NOTCH3: variants seen among roughly 807,000 people sequenced by gnomAD.
The protein encoded by NOTCH3 is notch receptor 3.
In NOTCH3, 86 loss-of-function variants were observed where a neutral mutation model predicts 213.3. The observed-to-expected ratio is 0.40, with a 90% CI of 0.34 to 0.48. The LOEUF (loss-of-function observed/expected upper bound fraction) is 0.48. Ranked by LOEUF, NOTCH3 falls within the 20% of genes least tolerant of loss-of-function variation. The pLI is 0.57. For synonymous variants in NOTCH3, 1,354 were observed against 1,355.9 expected, an observed-to-expected ratio of 1.00 and a Z score of 0.03; for missense variants, 2,783 against 3,272.6, an observed-to-expected ratio of 0.85 and a Z score of 3.65.
intron 31 of NOTCH3, among the ~76,000 whole-genome samples, chr19:15,163,031 G>A (rs2046658967): frequency 6.6e-6 from 1 of 152,118 alleles, no homozygotes; most frequent in African/African-American, 2.4e-5. Flanking sequence ...AGCCTCCCTA[G>A]TAGCTGGGAC....
chr19:15,161,065 G>A lies in NOTCH3; in HGVS notation c.6563C>T (p.Pro2188Leu). ...PAPPGPSFLL[P>L]LAPGPQLLNP... ...GAGCAGCTGGGGTCCCGGCGCCAGT[G>A]GCAGCAGGAACGAGGGGCCTGGAGG... The change falls in exon 33 of 33, where the codon CCA (proline) becomes CTA (leucine). Residue 2188 changes from proline (P) to leucine (L), a missense_variant. By Grantham distance (98) the Pro-to-Leu change is moderately conservative (BLOSUM62 -3). Around this residue, in one of 6 missense-constraint regions of NOTCH3, gnomAD observed 441 missense variants for 432.1 expected, o/e 1.02. Transcript: ENST00000263388. 1 of 1,542,394 alleles carries A rather than the reference G, an allele frequency of 6.5e-7. No homozygotes were observed. Among genetic ancestry groups the A allele is most frequent in the Non-Finnish European group, 8.7e-7 (1 of 1,148,756 alleles).
Position 15,197,714 on chromosome 19 carries a change from C to CT in NOTCH3, c.119-137_119-136insA. ...GGCGTCTCTGCGGGTGCAGGGAGTC[C>CT]CCCCATCCACAGTTCCCACGCCCCC... On this transcript the variant is annotated intron_variant, in intron 1 of 32. Transcript: ENST00000263388. 3 of 652,508 alleles carry CT rather than the reference C, an allele frequency of 4.6e-6. No individual in the cohort carries two copies. In the South Asian group the frequency reaches 5.7e-5, roughly 12 times the overall value. The allele number at this position is 652,508 out of a possible 1,614,324, so 40.4% of individuals were successfully genotyped here.
intron 32 of NOTCH3, among the ~76,000 whole-genome samples, 195 bp from the exon 33 acceptor site, chr19:15,161,909 G>A (rs745526861): frequency 2.6e-5 from 4 of 151,656 alleles, no homozygotes; most frequent in Non-Finnish European, 4.4e-5. Context: ...CCTACTAAGT[G>A]CCAGAGGTCA....
At chr19:15,180,869 G>T in intron 18 of NOTCH3, 41 bp from the exon 19 acceptor site, 1 of 1,608,646 alleles carries the variant, frequency 6.2e-7, no homozygotes, top group East Asian at 2.2e-5. Context: ...TGGGGTGGGG[G>T]GTAGTCTGGG....
chr19:15,192,554 G>A (rs2046938794), intron 2 of NOTCH3, 35 bp from the exon 3 acceptor site: 3 of 1,556,258 alleles, frequency 1.9e-6, no homozygotes, highest in South Asian at 2.3e-5. Flanking sequence ...GGCAGCACAG[G>A]GCAGGATGGC....
In NOTCH3 at chr19:15,179,772, TAATGAGAGGCTG is replaced by T. The variant is rs1007435201; in HGVS notation, c.3327+288_3328-277del. On this transcript the variant is annotated intron_variant, in intron 20 of 32. Coordinates refer to ENST00000263388, the MANE Select transcript of NOTCH3 (RefSeq NM_000435.3). ...TGGTGGGTGCCTGTACTCCCAGCTA[TAATGAGAGGCTG>T]AAGCAGAAGAATCACCTGAACCCAG... The T allele has an allele frequency of 5.1e-4, 298 of 586,432 alleles. 2 individuals are homozygous for T. Among genetic ancestry groups the T allele is most frequent in the South Asian group, 4.9e-3 (242 of 49,498 alleles). 36.3% of individuals were successfully genotyped at this position (586,432 alleles called of 1,614,324 possible). A position where few individuals can be genotyped will look rare whatever the true frequency, so the allele number is the denominator to read the frequency against.
rs763830200 is a variant in NOTCH3, at chr19:15,189,191, G to A, written c.1193-17C>T. 9.9e-6 allele frequency: 16 copies of A among 1,613,130 alleles called. No individual in the cohort carries two copies. Among genetic ancestry groups the A allele is most frequent in the Admixed American group, 8.3e-5 (5 of 60,010 alleles). On this transcript the variant is annotated splice_polypyrimidine_tract_variant and intron_variant, in intron 7 of 32. Transcript: ENST00000263388. ...GGTTGGCGCCTGCCGGATGGAGTGC[G>A]ATCGGTGTGGGCGTGGCTGGCCGGG...
At chr19:15,162,781 G>C (rs2046656407) in intron 31 of NOTCH3, among the ~76,000 whole-genome samples, 1 of 152,080 alleles carries the variant, frequency 6.6e-6, no homozygotes, top group African/African-American at 2.4e-5. Context: ...GTTTGTGTGT[G>C]TGTGTGTGTG....
At chr19:15,174,426 G>A (rs1298693206) in intron 24 of NOTCH3, 26 bp from the exon 25 acceptor site, 11 of 1,490,096 alleles carry the variant, frequency 7.4e-6, no homozygotes, top group African/African-American at 1.4e-5. Flanking sequence ...GAGGCAGAGA[G>A]GGGCGGAGTC....
intron 25 of NOTCH3, among the ~76,000 whole-genome samples, chr19:15,171,124 C>A (rs1175838577): frequency 2.0e-5 from 3 of 152,190 alleles, no homozygotes; most frequent in African/African-American, 7.2e-5. Flanking sequence ...CTCCTGGGTT[C>A]AAGCGATTCT....
Position 15,161,765 on chromosome 19 carries a change from A to G in NOTCH3, c.5914-51T>C, listed in dbSNP as rs903283459. On this transcript the variant is annotated intron_variant, in intron 32 of 32. Coordinates refer to ENST00000263388, the MANE Select transcript of NOTCH3 (RefSeq NM_000435.3). ...CAGCGAAACCCCAGCTAACAGTAGC[A>G]AAGTCTTCCAGCCTCTTGGGGGAGC... 3.9e-6 allele frequency: 6 copies of G among 1,537,228 alleles called. No individual in the cohort carries two copies. The African/African-American group carries it at 6.8e-5, about 17-fold the overall frequency.
Position 15,191,832 on chromosome 19 carries a change from C to A in NOTCH3, c.715G>T (p.Asp239Tyr). 6 of 1,613,968 alleles carry A rather than the reference C, an allele frequency of 3.7e-6. No individual in the cohort carries two copies. Among genetic ancestry groups the A allele is most frequent in the East Asian group, 2.2e-5 (1 of 44,870 alleles). Reference sequence around the variant, plus strand: ...TTGAGACATCGGTGTCCTGGACAGTCGTCCACGTTCACTTCACAATTCTGA... The same window carrying A: ...TTGAGACATCGGTGTCCTGGACAGTAGTCCACGTTCACTTCACAATTCTGA... ...EGQNCEVNVD[D>Y]CPGHRCLNGG... The change falls in exon 5 of 33, where the codon GAC (aspartate) becomes TAC (tyrosine). Residue 239 changes from aspartate to tyrosine, a missense_variant. Asp to Tyr is a radical substitution (Grantham distance 160). Around this residue, in one of 6 missense-constraint regions of NOTCH3, gnomAD observed 708 missense variants for 906.6 expected, o/e 0.78. Coordinates refer to ENST00000263388, the MANE Select transcript of NOTCH3 (RefSeq NM_000435.3).
chr19:15,169,724 G>A (rs1034443788), intron 28 of NOTCH3, among the ~76,000 whole-genome samples: 2 of 152,126 alleles, frequency 1.3e-5, no homozygotes, highest in Non-Finnish European at 2.9e-5. Flanking sequence ...AGTCCATGCT[G>A]GACAAAATAG....
intron 26 of NOTCH3, 37 bp from the exon 27 acceptor site, chr19:15,170,590 G>C: frequency 1.9e-6 from 3 of 1,594,094 alleles, no homozygotes; most frequent in South Asian, 2.2e-5. Flanking sequence ...CTTCAGCCGA[G>C]GGCGGGGCTT....
chr19:15,178,471 G>A (rs2046810962), intron 23 of NOTCH3: 6 of 443,148 alleles, frequency 1.4e-5, no homozygotes, highest in South Asian at 2.2e-5. Context: ...TGCAACCTCC[G>A]CCTCCCGGGT....
chr19:15,181,232 C>A (rs1451160644), intron 17 of NOTCH3, 70 bp from the exon 18 acceptor site: 1 of 1,415,814 alleles, frequency 7.1e-7, no homozygotes, highest in African/African-American at 1.4e-5. Flanking sequence ...CTTCCTGAGT[C>A]CCGCTGTTAG....
At chr19:15,199,203 T>G (rs2046992143) in intron 1 of NOTCH3, among the ~76,000 whole-genome samples, 1 of 152,158 alleles carries the variant, frequency 6.6e-6, no homozygotes, top group African/African-American at 2.4e-5. Flanking sequence ...ATCTATTGTG[T>G]CTCAGTTGCA....
At position 15,178,088 on chromosome 19, in the gene NOTCH3, C is replaced by A. The variant is rs1197487478; in HGVS notation, c.3840G>T (p.Pro1280=). 5 of 1,425,316 alleles carry A rather than the reference C, an allele frequency of 3.5e-6. No individual in the cohort carries two copies. Among genetic ancestry groups the A allele is most frequent in the African/African-American group, 1.5e-5 (1 of 68,032 alleles). The allele number at this position is 1,425,316 out of a possible 1,614,324, so 88.3% of individuals were successfully genotyped here. A position where few individuals can be genotyped will look rare whatever the true frequency, so the allele number is the denominator to read the frequency against. ...GLTFTCHCAQ[P]FWGPRCERVA... is the part of the protein sequence containing the mutation. Reference sequence around the variant, plus strand: ...CCCGCTCGCAACGCGGACCCCAGAACGGCTGGGGGTCGGGTTTGGGGAGGG... The same window carrying A: ...CCCGCTCGCAACGCGGACCCCAGAAAGGCTGGGGGTCGGGTTTGGGGAGGG... The change falls in exon 24 of 33, where the codon CCG becomes CCT. Residue 1280 remains proline (P), a splice_region_variant and synonymous_variant. Transcript: ENST00000263388.
chr19:15,177,467 G>T, intron 24 of NOTCH3, 58 bp downstream of exon 24: 2 of 1,516,734 alleles, frequency 1.3e-6, no homozygotes, highest in Non-Finnish European at 1.8e-6. Flanking sequence ...AGGGCCCACG[G>T]ACAAACAGAC....
Sources: allele counts gnomAD v4.1 joint callset (sites outside exome capture counted in the v4.1 genomes callset), GRCh38; gene constraint gnomAD v4.1.1; regional missense constraint gnomAD v4.1.1; transcripts MANE v1.5; gene names NCBI Gene and HGNC (gene_info 2026-07-23, HGNC 2026-07-21).